Variants in AFAP1 observed in about 807,000 individuals in gnomAD.
AFAP1 encodes actin filament associated protein 1.
A neutral mutation model predicts 93.9 loss-of-function variants in AFAP1; 75 were observed. The ratio of observed to expected loss-of-function variants is 0.80; its 90% CI spans 0.66 to 0.97. The LOEUF (loss-of-function observed/expected upper bound fraction) is 0.97. Ranked by LOEUF, AFAP1 falls within the 50% of genes least tolerant of loss-of-function variation. The probability of loss-of-function intolerance (pLI) is 0.00; values close to 1 mark genes in which losing one functional copy is unlikely to be tolerated. For synonymous variants in AFAP1, 517 were observed against 430.7 expected (o/e 1.20, Z -2.48); for missense variants, 1,201 against 1,050.8 (o/e 1.14, Z -1.98).
intron 5 of AFAP1, among the ~76,000 whole-genome samples, chr4:7,842,197 CTG>C (rs1713095762): frequency 6.8e-6 from 1 of 147,812 alleles, no homozygotes; most frequent in African/African-American, 2.5e-5. Context: ...AATATGTACT[CTG>C]TTTTAAAAAA....
rs377505172 is a variant in AFAP1, at chr4:7,859,138, G to C, written c.226-3564C>G. Among the ~76,000 whole-genome samples, 4 of 152,286 alleles carry C rather than the reference G, an allele frequency of 2.6e-5. No homozygotes were observed. The East Asian group carries it at 7.7e-4, about 29-fold the overall frequency. ...ACAAGCTAAGGCAACAAGGGTCCTT[G>C]GGTTGGGCGCGGTGGCTCACGCCTG... is the stretch of plus-strand genomic sequence containing the variant. On this transcript the variant is annotated intron_variant, in intron 3 of 17. Transcript: ENST00000420658.
intron 1 of AFAP1, among the ~76,000 whole-genome samples, chr4:7,902,811 C>G (rs1719190671): frequency 6.6e-6 from 1 of 152,054 alleles, no homozygotes; most frequent in Non-Finnish European, 1.5e-5. Context: ...ACCGCAGTGG[C>G]CTGGAGCGCT....
At chr4:7,911,697 A>G (rs1310540043) in intron 1 of AFAP1, among the ~76,000 whole-genome samples, 1 of 152,172 alleles carries the variant, frequency 6.6e-6, no homozygotes, top group Admixed American at 6.5e-5. Context: ...AGGGCCTCTG[A>G]TTCTAGAACC....
Position 7,843,323 on chromosome 4 carries a change from G to A in AFAP1, c.362C>T (p.Ser121Phe), listed in dbSNP as rs767148077. 1 of 1,613,826 alleles carries A rather than the reference G, an allele frequency of 6.2e-7. No homozygotes were observed. The highest frequency in any genetic ancestry group is 1.1e-5 in the South Asian group (1 of 91,028). ...CTCCTCTTCATCATACGACTCATAAGAGCTGCTCATCGCATCGGAATCATA... is the reference window on the plus strand; with the variant it reads ...CTCCTCTTCATCATACGACTCATAAAAGCTGCTCATCGCATCGGAATCATA... The part of the protein sequence containing the change: ...SNYDSDAMSS[S>F]YESYDEEEED... Residue 121 changes from serine to phenylalanine, a missense_variant, in exon 5 of 18, where the codon TCT becomes TTT. Transcript: ENST00000420658.
chr4:7,889,404 CAGGCGTG>C (rs1718312342), intron 1 of AFAP1, among the ~76,000 whole-genome samples: 1 of 151,536 alleles, frequency 6.6e-6, no homozygotes, highest in South Asian at 2.1e-4. Flanking sequence ...AAAAATTAGC[CAGGCGTG>C]GTGGCACGTG....
In AFAP1 at chr4:7,760,268, G is replaced by A. The variant is rs561842819; in HGVS notation, c.*3497C>T. 1 of 152,388 alleles carries A rather than the reference G, an allele frequency of 6.6e-6. No homozygotes were observed. Among genetic ancestry groups the A allele is most frequent in the African/African-American group, 2.4e-5 (1 of 41,594 alleles). The allele number at this position is 152,388 out of a possible 1,614,324, so 9.4% of individuals were successfully genotyped here. On this transcript the variant is annotated 3_prime_UTR_variant, in exon 18 of 18. Coordinates refer to ENST00000420658, the MANE Select transcript of AFAP1 (RefSeq NM_001134647.2). ...GTTTTTGTCTATTTAGAAATGGCCA[G>A]TAATAATTCTGGGATGAGTAAGATA...
chr4:7,777,107 A>G (rs1716210793), intron 14 of AFAP1: 1 of 152,238 alleles, frequency 6.6e-6, no homozygotes. Context: ...ATGGCGATTG[A>G]GACTCCGTGG....
In AFAP1 at chr4:7,792,674, C is replaced by G. The variant is rs554312765; in HGVS notation, c.1412+1007G>C. ...AGCTGTTCCTCAACAGGACCACTGTCATTGGACACACCTGCATGCTCTCTG... is the reference window on the plus strand; with the variant it reads ...AGCTGTTCCTCAACAGGACCACTGTGATTGGACACACCTGCATGCTCTCTG... On this transcript the variant is annotated intron_variant, in intron 11 of 17. Transcript: ENST00000420658. Among the ~76,000 whole-genome samples the G allele has an allele frequency of 2.6e-5, 4 of 152,286 alleles. No homozygotes were observed. In the East Asian group the frequency reaches 7.7e-4, roughly 29 times the overall value.
chr4:7,806,146 T>C (rs1019047407), intron 9 of AFAP1, among the ~76,000 whole-genome samples: 2 of 152,236 alleles, frequency 1.3e-5, no homozygotes, highest in African/African-American at 4.8e-5. Flanking sequence ...TCTCAGATCA[T>C]ATTATCTACG....
At chr4:7,907,522 GA>G (rs1246821888) in intron 1 of AFAP1, among the ~76,000 whole-genome samples, 2 of 152,086 alleles carry the variant, frequency 1.3e-5, no homozygotes, top group Non-Finnish European at 2.9e-5. Context: ...GTAACAAAGT[GA>G]AAACCAAAGC....
At chr4:7,855,400 G>T in intron 4 of AFAP1, 66 bp downstream of exon 4, 1 of 1,280,860 alleles carries the variant, frequency 7.8e-7, no homozygotes, top group Non-Finnish European at 1.1e-6. Context: ...CCCAGAAAGG[G>T]GACAGGCTCT....
At chr4:7,865,076 T>C (rs1270474869) in intron 3 of AFAP1, among the ~76,000 whole-genome samples, 3 of 152,160 alleles carry the variant, frequency 2.0e-5, no homozygotes, top group Non-Finnish European at 4.4e-5. Flanking sequence ...ATTCTAGGAA[T>C]TCTAAACTCA....
At chr4:7,786,506 C>T (rs1211174432) in intron 11 of AFAP1, among the ~76,000 whole-genome samples, 195 bp from the exon 12 acceptor site, 3 of 152,324 alleles carry the variant, frequency 2.0e-5, no homozygotes, top group East Asian at 3.9e-4. Flanking sequence ...TAGGATGGCA[C>T]ATAATCTGCA....
intron 1 of AFAP1, among the ~76,000 whole-genome samples, chr4:7,897,626 C>G (rs1718864693): frequency 6.6e-6 from 1 of 152,096 alleles, no homozygotes; most frequent in African/African-American, 2.4e-5. Context: ...CAGGTTCAAG[C>G]AATTCTCCTG....
chr4:7,930,155 C>G (rs746947751), intron 1 of AFAP1, among the ~76,000 whole-genome samples: 2 of 152,178 alleles, frequency 1.3e-5, no homozygotes, highest in Non-Finnish European at 2.9e-5. Context: ...CTTACTTACT[C>G]TTATGGTTTA....
At chr4:7,826,817 T>C (rs1721464714) in intron 6 of AFAP1, among the ~76,000 whole-genome samples, 2 of 152,140 alleles carry the variant, frequency 1.3e-5, no homozygotes, top group African/African-American at 4.8e-5. Flanking sequence ...GGGCACACCC[T>C]TCTCCAGGGA....
At chr4:7,928,562 GT>G (rs1225589103) in intron 1 of AFAP1, among the ~76,000 whole-genome samples, 10 of 151,970 alleles carry the variant, frequency 6.6e-5, no homozygotes, top group Non-Finnish European at 1.5e-4. Flanking sequence ...TAATTTTTGT[GT>G]TTTTAGTAAA....
rs758299442 is a variant in AFAP1 at position 7,793,785 on chromosome 4, T to G, written c.1308A>C (p.Leu436Phe). The change falls in exon 11 of 18, where the codon TTA becomes TTC. Residue 436 changes from leucine (L) to phenylalanine (F), a missense_variant. Leu to Phe is a conservative substitution (Grantham distance 22). Coordinates refer to ENST00000420658, the MANE Select transcript of AFAP1 (RefSeq NM_001134647.2). Reference sequence around the variant, plus strand: ...CTGTGGACGATCCCGTCTCTGCGAGTAAAATCCCAATCCACCTGCCCATGT... The same window carrying G: ...CTGTGGACGATCCCGTCTCTGCGAGGAAAATCCCAATCCACCTGCCCATGT... ...SEDMGRWIGI[L>F]LAETGSSTDP... 63 of 1,564,682 alleles carry G rather than the reference T, an allele frequency of 4.0e-5. No homozygotes were observed. Among genetic ancestry groups the G allele is most frequent in the Non-Finnish European group, 5.3e-5 (61 of 1,142,066 alleles).
chr4:7,816,199 A>C (rs1298415864), intron 7 of AFAP1, 100 bp from the exon 8 acceptor site: 2 of 1,010,938 alleles, frequency 2.0e-6, no homozygotes, highest in East Asian at 5.0e-5. Context: ...GAAAGAAAAC[A>C]CAGGCCAAAT....
Sources: allele counts gnomAD v4.1 joint callset (sites outside exome capture counted in the v4.1 genomes callset), GRCh38; gene constraint gnomAD v4.1.1; transcripts MANE v1.5; gene names NCBI Gene and HGNC (gene_info 2026-07-23, HGNC 2026-07-21).